CMTR1: variants seen among roughly 807,000 people sequenced by gnomAD.
The protein encoded by CMTR1 is cap methyltransferase 1, also known as cap-specific mRNA (nucleoside-2'-O-)-methyltransferase 1.
Under a neutral mutation model 107.0 loss-of-function variants are expected in CMTR1, and 39 were observed. The ratio of observed to expected loss-of-function variants is 0.36; its 90% CI spans 0.28 to 0.48. The LOEUF is 0.48. CMTR1 is among the 20% of genes least tolerant of loss of function. The pLI, the probability that CMTR1 is intolerant of heterozygous loss-of-function variation, is 0.99. For missense variants in CMTR1, 672 were observed against 1,064.9 expected (o/e 0.63, Z 5.14); for synonymous variants, 366 against 379.5 (o/e 0.96, Z 0.41).
At chr6:37,467,247 T>G (rs1046359027) in intron 13 of CMTR1, among the ~76,000 whole-genome samples, 13 of 152,182 alleles carry the variant, frequency 8.5e-5, no homozygotes, top group African/African-American at 3.1e-4. Flanking sequence ...TATTTTAAAT[T>G]TTTCCTTATG....
intron 13 of CMTR1, among the ~76,000 whole-genome samples, chr6:37,468,057 G>T (rs560470827): frequency 6.7e-5 from 10 of 148,312 alleles, no homozygotes; most frequent in African/African-American, 9.9e-5. Flanking sequence ...TGTTTTGTGG[G>T]GGGGGGGACT....
At chr6:37,434,470 T>A (rs1339695538) in intron 1 of CMTR1, among the ~76,000 whole-genome samples, 1 of 152,212 alleles carries the variant, frequency 6.6e-6, no homozygotes, top group Non-Finnish European at 1.5e-5. Flanking sequence ...CCACACTGTA[T>A]TCACTACTTC....
chr6:37,447,365 G>A (rs1469938748), intron 4 of CMTR1, among the ~76,000 whole-genome samples: 1 of 152,188 alleles, frequency 6.6e-6, no homozygotes, highest in Non-Finnish European at 1.5e-5. Flanking sequence ...GGCCGGTCTC[G>A]CTGTTGCCTT....
At chr6:37,463,071 A>G in intron 13 of CMTR1, 63 bp downstream of exon 13, 2 of 1,501,632 alleles carry the variant, frequency 1.3e-6, no homozygotes, top group Non-Finnish European at 1.8e-6. Context: ...AGAGAGTGAA[A>G]GACTGAATGG....
At chr6:37,471,940 A>AG (rs1272754079) in intron 15 of CMTR1, 36 bp downstream of exon 15, 1 of 1,598,896 alleles carries the variant, frequency 6.3e-7, no homozygotes, top group Admixed American at 1.7e-5. Context: ...GCTTCAGGGC[A>AG]GGGAAGCCAT....
intron 2 of CMTR1, among the ~76,000 whole-genome samples, chr6:37,439,948 G>A (rs1394945338): frequency 6.6e-6 from 1 of 152,110 alleles, no homozygotes; most frequent in Non-Finnish European, 1.5e-5. Flanking sequence ...TGCCCAGCTT[G>A]TCACTGCCAA....
chr6:37,460,829 G>A (rs1450793297), intron 10 of CMTR1, among the ~76,000 whole-genome samples: 1 of 152,152 alleles, frequency 6.6e-6, no homozygotes, highest in African/African-American at 2.4e-5. Flanking sequence ...AACAGAAACT[G>A]TACCCATTTA....
chr6:37,450,191 T>G, intron 4 of CMTR1, 60 bp from the exon 5 acceptor site: 1 of 1,402,720 alleles, frequency 7.1e-7, no homozygotes, highest in Non-Finnish European at 1.0e-6. Context: ...TCCTGATGAG[T>G]TGGGGTTTAG....
At chr6:37,477,329 C>G (rs550502688) in intron 20 of CMTR1, among the ~76,000 whole-genome samples, 1 of 152,210 alleles carries the variant, frequency 6.6e-6, no homozygotes. Context: ...TTTCTCCCTC[C>G]TGTCTTCAGT....
intron 2 of CMTR1, among the ~76,000 whole-genome samples, chr6:37,436,080 A>G (rs1771523124): frequency 1.3e-5 from 2 of 152,156 alleles, no homozygotes; most frequent in South Asian, 4.1e-4. Context: ...GTGTGCCCTT[A>G]ATAGCTGTTA....
chr6:37,439,101 A>G (rs1251198545), intron 2 of CMTR1, among the ~76,000 whole-genome samples: 1 of 152,174 alleles, frequency 6.6e-6, no homozygotes, highest in African/African-American at 2.4e-5. Context: ...CAGTGTGTTT[A>G]TTTTACATTA....
At chr6:37,450,012 A>G (rs1310696367) in intron 4 of CMTR1, among the ~76,000 whole-genome samples, 1 of 152,148 alleles carries the variant, frequency 6.6e-6, no homozygotes, top group East Asian at 1.9e-4. Context: ...AATGAAAGAA[A>G]CCTTAGGTTT....
Position 37,473,551 on chromosome 6 carries a change from T to C in CMTR1, c.1771T>C (p.Tyr591His). Residue 591 changes from tyrosine to histidine, a missense_variant, in exon 17 of 24, where the codon TAC becomes CAC. Physicochemically the swap from Tyr to His is moderately conservative, Grantham distance 83 (BLOSUM62 2). Around this residue, in one of 2 missense-constraint regions of CMTR1, gnomAD observed 583 missense variants for 968.4 expected, o/e 0.60. Transcript: ENST00000373451. ...GGAGAAGATCCGCCCTGTGTTTGAC[T>C]ACCGCTGCATGGTATCTGGCAGTGA... ...TLEKIRPVFD[Y>H]RCMVSGSEQK... 1 of 1,614,142 alleles carries C rather than the reference T, an allele frequency of 6.2e-7. No homozygotes were observed. The highest frequency in any genetic ancestry group is 8.5e-7 in the Non-Finnish European group (1 of 1,180,016).
At chr6:37,459,039 T>C (rs902811075) in intron 9 of CMTR1, among the ~76,000 whole-genome samples, 2 of 152,264 alleles carry the variant, frequency 1.3e-5, no homozygotes, top group Non-Finnish European at 2.9e-5. Flanking sequence ...CAAGGCCCTA[T>C]TAATTCCTCC....
chr6:37,474,483 C>T, intron 17 of CMTR1, 41 bp from the exon 18 acceptor site: 6 of 1,611,824 alleles, frequency 3.7e-6, no homozygotes, highest in Non-Finnish European at 5.1e-6. Flanking sequence ...ATCCCTCGAT[C>T]TCCATGCCTT....
rs1874736 is a variant in CMTR1 at position 37,480,218 on chromosome 6, C to G, written c.*73C>G. On this transcript the variant is annotated 3_prime_UTR_variant, in exon 24 of 24. Coordinates refer to ENST00000373451, the MANE Select transcript of CMTR1 (RefSeq NM_015050.3). ...ATGGGGCCACCTGGGGCCCACAGTG[C>G]TGGCTTCTTCCCCCTCTTGAAAAGG... 0.49 allele frequency: 776,951 copies of G among 1,569,984 alleles called. 200,724 individuals are homozygous for G. Among genetic ancestry groups the G allele is most frequent in the Middle Eastern group, 0.6 (2,955 of 4,952 alleles).
intron 16 of CMTR1, 92 bp from the exon 17 acceptor site, chr6:37,473,378 C>T (rs1761667610): frequency 7.0e-7 from 1 of 1,418,876 alleles, no homozygotes. Flanking sequence ...CTTCCTGTCC[C>T]TTGCCTTGTC....
the CMTR1 span, among the ~76,000 whole-genome samples, chr6:37,426,911 A>T: frequency 4.7e-4 from 71 of 152,264 alleles, 1 homozygote; most frequent in East Asian, 0.01. Context: ...GCTTGAAACA[A>T]ATGGGGAAAG....
upstream of CMTR1, among the ~76,000 whole-genome samples, chr6:37,428,997 A>T (rs1259173097): frequency 6.6e-6 from 1 of 152,142 alleles, no homozygotes; most frequent in Non-Finnish European, 1.5e-5. Context: ...TTAGCGCCAA[A>T]TATTTTTTTC....
Sources: allele counts gnomAD v4.1 joint callset (sites outside exome capture counted in the v4.1 genomes callset), GRCh38; gene constraint gnomAD v4.1.1; regional missense constraint gnomAD v4.1.1; transcripts MANE v1.5; gene names NCBI Gene and HGNC (gene_info 2026-07-23, HGNC 2026-07-21).